VRK2: variants seen among roughly 807,000 people sequenced by gnomAD.
The protein encoded by VRK2 is serine/threonine-protein kinase VRK2.
VRK2 carries 60 observed loss-of-function variants against 57.6 expected under a neutral mutation model. The observed-to-expected ratio is 1.04, with a 90% CI of 0.85 to 1.29. VRK2 has a LOEUF of 1.29. Among genes scored for constraint, VRK2 ranks in the 50% most tolerant of loss-of-function variants. The pLI is 0.00. For synonymous variants in VRK2, 231 were observed against 199.2 expected, an observed-to-expected ratio of 1.16 and a Z score of -1.35; for missense variants, 705 against 588.1, an observed-to-expected ratio of 1.20 and a Z score of -2.06.
chr2:58,136,102 T>TA (rs1474266907), intron 10 of VRK2, among the ~76,000 whole-genome samples: 1 of 152,206 alleles, frequency 6.6e-6, no homozygotes, highest in Non-Finnish European at 1.5e-5. Flanking sequence ...ATCTTAAACT[T>TA]ACATTCACAG....
intron 1 of VRK2, among the ~76,000 whole-genome samples, chr2:57,957,221 T>C (rs1280385745): frequency 1.3e-5 from 2 of 152,188 alleles, no homozygotes; most frequent in Non-Finnish European, 2.9e-5. Flanking sequence ...AAGAGTTTAC[T>C]AAATTTTTAC....
intron 2 of VRK2, among the ~76,000 whole-genome samples, chr2:58,076,297 A>G (rs955493374): frequency 2.0e-5 from 3 of 151,980 alleles, no homozygotes; most frequent in Non-Finnish European, 2.9e-5. Context: ...TAAACATCAT[A>G]GTTTACCCTA....
At chr2:57,985,684 C>A (rs1194181925) in intron 1 of VRK2, among the ~76,000 whole-genome samples, 4 of 152,000 alleles carry the variant, frequency 2.6e-5, no homozygotes, top group South Asian at 2.1e-4. Flanking sequence ...TGTTCAAAAT[C>A]ATACTGAAGG....
chr2:58,048,705 G>C, intron 1 of VRK2, 122 bp from the exon 2 acceptor site: 4 of 1,498,876 alleles, frequency 2.7e-6, no homozygotes, highest in South Asian at 2.6e-5. Context: ...ATTAACTTTA[G>C]AATCCTAATT....
At chr2:57,921,346 A>T (rs1372333489) in intron 1 of VRK2, among the ~76,000 whole-genome samples, 1 of 151,642 alleles carries the variant, frequency 6.6e-6, no homozygotes, top group Non-Finnish European at 1.5e-5. Context: ...CACTGCCTAT[A>T]GCTTTGCCTC....
intron 7 of VRK2, among the ~76,000 whole-genome samples, chr2:58,102,341 A>C (rs954755839): frequency 6.6e-6 from 1 of 151,462 alleles, no homozygotes; most frequent in Non-Finnish European, 1.5e-5. Flanking sequence ...CCAACTATAT[A>C]CTAGTTACAA....
At position 58,064,875 on chromosome 2, in the gene VRK2, A is replaced by G. The variant is rs369039137; in HGVS notation, c.136+15908A>G. 1.5e-3 allele frequency among the ~76,000 whole-genome samples: 222 copies of G among 152,228 alleles called. 1 individual carries two copies. The South Asian group carries it at 0.023, about 16-fold the overall frequency. ...TTAAGAAAACATAAACATTTTTAAC[A>G]TGTCATAGTTTTGGAATCTAATCCA... On this transcript the variant is annotated intron_variant, in intron 2 of 12. Coordinates refer to ENST00000340157, the MANE Select transcript of VRK2 (RefSeq NM_006296.7).
intron 7 of VRK2, among the ~76,000 whole-genome samples, chr2:58,106,534 G>C (rs1674779803): frequency 6.6e-6 from 1 of 151,938 alleles, no homozygotes; most frequent in Non-Finnish European, 1.5e-5. Context: ...GCAGTAGATG[G>C]AATGACGCAG....
At chr2:58,118,431 A>G (rs1676871571) in intron 7 of VRK2, among the ~76,000 whole-genome samples, 1 of 152,216 alleles carries the variant, frequency 6.6e-6, no homozygotes, top group Non-Finnish European at 1.5e-5. Flanking sequence ...TCTACCAGAA[A>G]ATGAAAGGAA....
At chr2:58,050,575 A>G (rs775042093) in intron 2 of VRK2, among the ~76,000 whole-genome samples, 1 of 152,220 alleles carries the variant, frequency 6.6e-6, no homozygotes, top group Non-Finnish European at 1.5e-5. Flanking sequence ...TTATTTGAGT[A>G]ATTTCAAAGA....
intron 1 of VRK2, among the ~76,000 whole-genome samples, chr2:57,981,523 G>A (rs1260569980): frequency 2.0e-5 from 3 of 152,144 alleles, no homozygotes; most frequent in African/African-American, 4.8e-5. Flanking sequence ...TTAGGGATGA[G>A]TCATCTTGTG....
intron 2 of VRK2, among the ~76,000 whole-genome samples, chr2:58,069,723 C>G (rs184654112): frequency 6.6e-6 from 1 of 151,928 alleles, no homozygotes; most frequent in Non-Finnish European, 1.5e-5. Flanking sequence ...GGGAAAGAAC[C>G]GAAAGGTGAA....
intron 1 of VRK2, among the ~76,000 whole-genome samples, chr2:58,023,709 T>C (rs1029766361): frequency 6.6e-6 from 1 of 152,206 alleles, no homozygotes; most frequent in African/African-American, 2.4e-5. Context: ...CGTCTTTAGA[T>C]AGCAGTCAAA....
chr2:57,996,796 A>G (rs1457131623), intron 1 of VRK2, among the ~76,000 whole-genome samples: 1 of 152,096 alleles, frequency 6.6e-6, no homozygotes, highest in Non-Finnish European at 1.5e-5. Context: ...CATATAACCT[A>G]TGTAGATCCC....
At chr2:58,109,119 G>C (rs1043025148) in intron 7 of VRK2, among the ~76,000 whole-genome samples, 1 of 151,826 alleles carries the variant, frequency 6.6e-6, no homozygotes, top group African/African-American at 2.4e-5. Flanking sequence ...TTGGCACTCA[G>C]GTATCTGTTA....
intron 1 of VRK2, among the ~76,000 whole-genome samples, chr2:58,014,407 G>A (rs978911050): frequency 1.1e-4 from 16 of 152,194 alleles, no homozygotes; most frequent in South Asian, 8.3e-4. Flanking sequence ...TCAAGATATG[G>A]GGAAAAGATA....
At chr2:58,147,075 A>C (rs1337137302) in intron 12 of VRK2, 6 of 475,102 alleles carry the variant, frequency 1.3e-5, no homozygotes, top group African/African-American at 1.2e-4. Context: ...CATTTCCCCC[A>C]AATGATTTGA....
intron 7 of VRK2, among the ~76,000 whole-genome samples, chr2:58,091,287 G>A (rs768489921): frequency 1.6e-4 from 24 of 152,068 alleles, no homozygotes; most frequent in Admixed American, 9.2e-4. Context: ...TGTTGATAGC[G>A]GAGAGACTTT....
chr2:58,159,615 A>T lies in VRK2; in HGVS notation c.1449A>T (p.Thr483=). ...TISQFTLSEE[T]NADVYYYRII... ...CCCAGTTTACTCTTAGTGAAGAGAC[A>T]AACGCAGATGTTTATTATTATCGCA... The change falls in exon 13 of 13, where the codon ACA becomes ACT. Residue 483 remains threonine, a synonymous_variant. Transcript: ENST00000340157. 1 of 1,613,864 alleles carries T rather than the reference A, an allele frequency of 6.2e-7. No homozygotes were observed. The highest frequency in any genetic ancestry group is 8.5e-7 in the Non-Finnish European group (1 of 1,179,818).
Sources: gnomAD v4.1 joint callset for allele counts (sites outside exome capture counted in the v4.1 genomes callset) on GRCh38, gnomAD v4.1.1 for gene constraint, MANE v1.5 for transcripts, NCBI Gene and HGNC (gene_info 2026-07-23, HGNC 2026-07-21) for gene names.